The following PCNX2 variants were observed in gnomAD, a reference collection of about 807,000 sequenced individuals.
PCNX2 encodes pecanex-like protein 2.
In PCNX2, 168 loss-of-function variants were observed where a neutral mutation model predicts 223.8. That is an observed-to-expected ratio of 0.75 (90% CI 0.66 to 0.85). The LOEUF is 0.85. Ranked by LOEUF, PCNX2 falls within the 40% of genes least tolerant of loss-of-function variation. The probability of loss-of-function intolerance (pLI) is 0.00; values close to 1 mark genes in which losing one functional copy is unlikely to be tolerated. For synonymous variants in PCNX2, 1,006 were observed against 1,052.6 expected (o/e 0.96, Z 0.86); for missense variants, 2,507 against 2,675.5 (o/e 0.94, Z 1.39).
chr1:232,984,385 C>T lies in PCNX2; in HGVS notation c.6333G>A (p.Gly2111=). ...CCTGGCTTGCTCTCCTGCAGACAAC[C>T]CCGAGAGTGTCCGCCACAGCCTCAG... The part of the protein sequence containing the change: ...CLAEAVADTL[G]VVCRRASQED... The change falls in exon 34 of 34, where the codon GGG becomes GGA. Residue 2111 remains glycine, a synonymous_variant. Coordinates refer to ENST00000258229, the MANE Select transcript of PCNX2 (RefSeq NM_014801.4). The T allele has an allele frequency of 1.2e-6, 2 of 1,613,624 alleles. No individual in the cohort carries two copies. The highest frequency in any genetic ancestry group is 8.5e-7 in the Non-Finnish European group (1 of 1,179,850).
At chr1:233,181,413 G>C (rs560247578) in intron 15 of PCNX2, among the ~76,000 whole-genome samples, 2 of 152,130 alleles carry the variant, frequency 1.3e-5, no homozygotes, top group East Asian at 3.9e-4. Context: ...GGTCAGACTG[G>C]TTTCGAACTC....
At chr1:233,237,669 A>G (rs1273234551) in intron 8 of PCNX2, among the ~76,000 whole-genome samples, 1 of 152,182 alleles carries the variant, frequency 6.6e-6, no homozygotes, top group East Asian at 1.9e-4. Context: ...CTAGTAGGGT[A>G]TCTATAACTT....
the PCNX2 span, among the ~76,000 whole-genome samples, chr1:233,306,075 T>C: frequency 6.6e-6 from 1 of 151,880 alleles, no homozygotes; most frequent in African/African-American, 2.4e-5. Flanking sequence ...ACCAAGAGAG[T>C]TAGAGTGTTT....
chr1:233,318,704 T>G, the PCNX2 span, among the ~76,000 whole-genome samples: 1 of 151,680 alleles, frequency 6.6e-6, no homozygotes, highest in Admixed American at 6.6e-5. Flanking sequence ...GCATCTGAGA[T>G]TACAGGTGTC....
intron 14 of PCNX2, among the ~76,000 whole-genome samples, 177 bp downstream of exon 14, chr1:233,199,977 T>C (rs1291705716): frequency 6.6e-6 from 1 of 152,184 alleles, no homozygotes; most frequent in Non-Finnish European, 1.5e-5. Context: ...CCTCTTCCAA[T>C]TTGGCTACAG....
intron 1 of PCNX2, among the ~76,000 whole-genome samples, chr1:233,265,252 A>AT (rs1364698515): frequency 2.0e-5 from 3 of 151,594 alleles, no homozygotes; most frequent in Non-Finnish European, 4.4e-5. Flanking sequence ...TCTAAAAAAA[A>AT]AAAAGGAATT....
rs1275113618 is a variant in PCNX2, at chr1:233,182,938, TG to T, written c.3067-3764del. ...TTTTTTCAGGGGCATAGCTGGGCTC[TG>T]CCCCTCAGCAGAGAGCACCTGCCCA... On this transcript the variant is annotated intron_variant, in intron 15 of 33. Transcript: ENST00000258229. Among the ~76,000 whole-genome samples, 49 of 152,286 alleles carry T rather than the reference TG, an allele frequency of 3.2e-4. 1 individual carries two copies. Among genetic ancestry groups the T allele is most frequent in the Middle Eastern group, 3.4e-3 (1 of 294 alleles).
At position 233,001,094 on chromosome 1, in the gene PCNX2, C is replaced by T. The variant is rs943994412; in HGVS notation, c.5097+443G>A. Among the ~76,000 whole-genome samples the T allele has an allele frequency of 1.8e-4, 28 of 152,138 alleles. No individual in the cohort carries two copies. In the East Asian group the frequency reaches 2.1e-3, roughly 12 times the overall value. ...TGTCACCCAGGCTGGAGTGCAGTGG[C>T]GCAATCATAGATCACTGCAGCCTGA... On this transcript the variant is annotated intron_variant, in intron 29 of 33. Transcript: ENST00000258229. This position sits in a 1 kb window ranked among gnomAD's most constrained non-coding sequence, Gnocchi z 4.2.
intron 14 of PCNX2, 98 bp from the exon 15 acceptor site, chr1:233,199,128 A>G: frequency 9.0e-7 from 1 of 1,116,052 alleles, no homozygotes. Context: ...CGCATACAAG[A>G]TGCCTGCTGA....
chr1:233,206,438 T>G (rs1681467330), intron 13 of PCNX2, among the ~76,000 whole-genome samples: 1 of 150,736 alleles, frequency 6.6e-6, no homozygotes, highest in Admixed American at 6.7e-5. Context: ...CAAACTCTGA[T>G]TTTTTCACTG....
chr1:233,198,154 T>C (rs1187380636), intron 15 of PCNX2, among the ~76,000 whole-genome samples: 1 of 152,194 alleles, frequency 6.6e-6, no homozygotes, highest in African/African-American at 2.4e-5. Flanking sequence ...CTATTTCTTC[T>C]CCATATTTAC....
the PCNX2 span, among the ~76,000 whole-genome samples, chr1:233,302,468 G>A: frequency 3.3e-5 from 5 of 151,680 alleles, no homozygotes; most frequent in African/African-American, 9.7e-5. Context: ...ATTTTATTTA[G>A]TCTTCTCAAA....
chr1:233,261,536 T>C (rs144862578), intron 3 of PCNX2, among the ~76,000 whole-genome samples: 2 of 151,904 alleles, frequency 1.3e-5, no homozygotes, highest in Non-Finnish European at 2.9e-5. Flanking sequence ...AACTGTACTG[T>C]GACAAAGGGA....
intron 15 of PCNX2, among the ~76,000 whole-genome samples, chr1:233,190,593 C>T (rs114236527): frequency 6.6e-6 from 1 of 152,034 alleles, no homozygotes; most frequent in African/African-American, 2.4e-5. Flanking sequence ...TGCAAATGAT[C>T]GTTGTTCTAT....
intron 21 of PCNX2, among the ~76,000 whole-genome samples, chr1:233,108,774 G>A (rs567466395): frequency 6.6e-6 from 1 of 152,138 alleles, no homozygotes; most frequent in Non-Finnish European, 1.5e-5. Flanking sequence ...CTGAGGAAGG[G>A]GCAGGAACAC....
chr1:232,989,552 A>G (rs1463665530), intron 32 of PCNX2, among the ~76,000 whole-genome samples: 1 of 151,452 alleles, frequency 6.6e-6, no homozygotes, highest in African/African-American at 2.4e-5. Context: ...GCCCCCAACC[A>G]CCTCTCCAAT....
intron 21 of PCNX2, among the ~76,000 whole-genome samples, chr1:233,128,595 G>A (rs980751112): frequency 3.9e-5 from 6 of 152,024 alleles, no homozygotes; most frequent in East Asian, 1.9e-4. Flanking sequence ...TCAGCCTCCC[G>A]AAGTGCTGGG....
chr1:233,263,255 T>TAAAA, intron 1 of PCNX2, 92 bp from the exon 2 acceptor site: 1 of 1,052,028 alleles, frequency 9.5e-7, no homozygotes, highest in Non-Finnish European at 1.3e-6. Flanking sequence ...ATCTATTGAA[T>TAAAA]ATAAATTAGG....
chr1:233,300,659 T>C (rs1156865561), upstream of PCNX2, among the ~76,000 whole-genome samples: 1 of 152,200 alleles, frequency 6.6e-6, no homozygotes, highest in Non-Finnish European at 1.5e-5. Flanking sequence ...TACATCCCCC[T>C]GTCAATTACA....
Sources: gnomAD v4.1 joint callset for allele counts (sites outside exome capture counted in the v4.1 genomes callset) on GRCh38, gnomAD v4.1.1 for gene constraint, Gnocchi (gnomAD v3.1) non-coding constraint, MANE v1.5 for transcripts, NCBI Gene and HGNC (gene_info 2026-07-23, HGNC 2026-07-21) for gene names.